Variants in MORN1 observed in about 807,000 individuals in gnomAD.
MORN1 encodes the protein MORN repeat containing 1.
A neutral mutation model predicts 61.9 loss-of-function variants in MORN1; 67 were observed. The observed-to-expected ratio is 1.08, with a 90% confidence interval of 0.89 to 1.33. MORN1 has a LOEUF of 1.33. Among genes scored for constraint, MORN1 ranks in the 40% most tolerant of loss-of-function variants. MORN1 has a pLI of 0.00. For synonymous variants in MORN1, 301 were observed against 292.0 expected (o/e 1.03, Z -0.31); for missense variants, 752 against 691.2 (o/e 1.09, Z -0.99).
intron 13 of MORN1, chr1:2,323,439 C>A (rs906457736): frequency 1.0e-6 from 1 of 985,412 alleles, no homozygotes; most frequent in Non-Finnish European, 1.2e-6. Context: ...CAGAGAGGCT[C>A]CATTCTCCGT....
At chr1:2,365,321 C>A (rs527462030) in intron 8 of MORN1, among the ~76,000 whole-genome samples, 1 of 145,808 alleles carries the variant, frequency 6.9e-6, no homozygotes, top group East Asian at 2.0e-4. Context: ...CTCTTTGAAG[C>A]AATTGTGAAT....
intron 13 of MORN1, chr1:2,322,973 A>G (rs1376951679): frequency 1.6e-5 from 16 of 985,302 alleles, no homozygotes; most frequent in Admixed American, 6.1e-5. Context: ...CCATACGTAC[A>G]TGGCTTAGCC....
intron 8 of MORN1, among the ~76,000 whole-genome samples, chr1:2,369,369 A>C (rs894187914): frequency 1.3e-5 from 2 of 151,644 alleles, no homozygotes; most frequent in Non-Finnish European, 2.9e-5. Context: ...AAAAAAAAAA[A>C]AAAAAAGAAG....
At chr1:2,348,792 C>A (rs541998124) in intron 10 of MORN1, among the ~76,000 whole-genome samples, 1 of 146,958 alleles carries the variant, frequency 6.8e-6, no homozygotes, top group Non-Finnish European at 1.5e-5. Flanking sequence ...CACACGCACG[C>A]ACACGCACTC....
chr1:2,388,143 C>A (rs555822043), intron 3 of MORN1, 96 bp downstream of exon 3: 3 of 962,590 alleles, frequency 3.1e-6, no homozygotes, highest in Non-Finnish European at 4.9e-6. Flanking sequence ...AGCTTCCCGT[C>A]TACACGTCAC....
At chr1:2,387,755 G>A (rs937440233) in intron 3 of MORN1, 7 of 561,752 alleles carry the variant, frequency 1.2e-5, no homozygotes, top group African/African-American at 1.1e-4. Context: ...ACTCTCTTTG[G>A]GCATCTATCC....
chr1:2,378,863 C>A (rs1484581431), intron 6 of MORN1: 21 of 446,924 alleles, frequency 4.7e-5, no homozygotes, highest in Non-Finnish European at 9.4e-5. Flanking sequence ...TGGGGGTGCT[C>A]GTGGCCCAGG....
intron 12 of MORN1, among the ~76,000 whole-genome samples, chr1:2,336,156 C>G (rs1641270841): frequency 6.6e-6 from 1 of 152,244 alleles, no homozygotes; most frequent in Non-Finnish European, 1.5e-5. Context: ...CCCCGCACCC[C>G]TCCTGCCTCT....
intron 10 of MORN1, among the ~76,000 whole-genome samples, chr1:2,345,782 C>G (rs1246647012): frequency 6.6e-6 from 1 of 152,120 alleles, no homozygotes; most frequent in Non-Finnish European, 1.5e-5. Context: ...TGTTCACAGG[C>G]CCTGCCAGGG....
chr1:2,323,850 C>G (rs1406696196), intron 13 of MORN1: 1 of 985,230 alleles, frequency 1.0e-6, no homozygotes, highest in Non-Finnish European at 1.2e-6. Flanking sequence ...AGGACATTCC[C>G]CACATCAAGG....
At chr1:2,367,502 A>G (rs1642022934) in intron 8 of MORN1, among the ~76,000 whole-genome samples, 1 of 151,982 alleles carries the variant, frequency 6.6e-6, no homozygotes, top group Non-Finnish European at 1.5e-5. Context: ...TTGGGGAAAG[A>G]ATACTCTTTT....
At chr1:2,338,432 C>T (rs1414599094) in intron 10 of MORN1, among the ~76,000 whole-genome samples, 2 of 152,170 alleles carry the variant, frequency 1.3e-5, no homozygotes, top group African/African-American at 2.4e-5. Flanking sequence ...ATGGTTTCCA[C>T]GTGGACTGCA....
At chr1:2,325,204 T>TTTTCTTTCTTCTTTTC (rs1640997103) in intron 12 of MORN1, among the ~76,000 whole-genome samples, 1 of 16,440 alleles carries the variant, frequency 6.1e-5, no homozygotes, top group Non-Finnish European at 1.3e-4. Context: ...TCCTTCTTTT[T>TTTTCTTTCTTCTTTTC]TTTCTTTCTT....
intron 7 of MORN1, among the ~76,000 whole-genome samples, chr1:2,373,549 A>G (rs529680022): frequency 6.6e-6 from 1 of 151,886 alleles, no homozygotes; most frequent in South Asian, 2.1e-4. Flanking sequence ...TCACCAAGAC[A>G]CTCCTGGAGG....
In MORN1 at chr1:2,322,807, G is replaced by A. The variant is rs187829855; in HGVS notation, c.1298-1228C>T. The A allele has an allele frequency of 1.5e-4, 145 of 985,454 alleles. 2 individuals are homozygous for A. In the East Asian group the frequency reaches 0.012, roughly 79 times the overall value. 61.0% of individuals were successfully genotyped at this position (985,454 alleles called of 1,614,324 possible). A position where few individuals can be genotyped will look rare whatever the true frequency, so the allele number is the denominator to read the frequency against. Reference sequence around the variant, plus strand: ...TCAGTGGGCAGTGGCTGAGGAGCCCGGCCACAGGCCCCATCTGACCCCACT... The same window carrying A: ...TCAGTGGGCAGTGGCTGAGGAGCCCAGCCACAGGCCCCATCTGACCCCACT... On this transcript the variant is annotated intron_variant, in intron 13 of 13. Coordinates refer to ENST00000378531, the MANE Select transcript of MORN1 (RefSeq NM_024848.3).
intron 10 of MORN1, among the ~76,000 whole-genome samples, chr1:2,348,361 G>A (rs2100282353): frequency 6.6e-6 from 1 of 152,334 alleles, no homozygotes; most frequent in Non-Finnish European, 1.5e-5. Context: ...CACTGACCCA[G>A]AACCAGTGGA....
intron 12 of MORN1, chr1:2,332,069 A>AT (rs962563324): frequency 2.4e-4 from 39 of 162,698 alleles, no homozygotes; most frequent in Middle Eastern, 2.7e-3. Context: ...ATCTTTGTCG[A>AT]TTTTTTTTTC....
intron 10 of MORN1, among the ~76,000 whole-genome samples, chr1:2,345,292 C>G (rs957231430): frequency 1.3e-5 from 2 of 152,264 alleles, no homozygotes; most frequent in Non-Finnish European, 2.9e-5. Flanking sequence ...CAGGCCAGGG[C>G]CAGGCCTGGA....
At chr1:2,391,365 G>A in intron 1 of MORN1, 93 bp downstream of exon 1, 1 of 1,226,064 alleles carries the variant, frequency 8.2e-7, no homozygotes, top group Non-Finnish European at 1.0e-6. Flanking sequence ...TACTTTCCGA[G>A]GTGAGCATTT....
Sources: gnomAD v4.1 joint callset for allele counts (sites outside exome capture counted in the v4.1 genomes callset) on GRCh38, gnomAD v4.1.1 for gene constraint, MANE v1.5 for transcripts, NCBI Gene and HGNC (gene_info 2026-07-23, HGNC 2026-07-21) for gene names.